The following TENM4 variants were observed in gnomAD, a reference collection of about 807,000 sequenced individuals.
TENM4 encodes the protein teneurin transmembrane protein 4.
Under a neutral mutation model 243.3 loss-of-function variants are expected in TENM4, and 82 were observed. The ratio of observed to expected loss-of-function variants is 0.34; its 90% CI spans 0.28 to 0.40. TENM4 has a LOEUF of 0.40. TENM4 is among the 10% of genes least tolerant of loss of function. The pLI, the probability that TENM4 is intolerant of heterozygous loss-of-function variation, is 1.00. For missense variants in TENM4, 3,138 were observed against 3,673.3 expected (o/e 0.85, Z 3.77); for synonymous variants, 1,412 against 1,456.3 (o/e 0.97, Z 0.69).
intron 1 of TENM4, among the ~76,000 whole-genome samples, chr11:79,358,589 C>T (rs1488213000): frequency 2.6e-5 from 4 of 151,772 alleles, no homozygotes; most frequent in African/African-American, 9.7e-5. Flanking sequence ...TGAGGCTAAG[C>T]GTTCCTTCCC....
chr11:78,734,591 C>A (rs962605255), intron 20 of TENM4, among the ~76,000 whole-genome samples: 1 of 151,946 alleles, frequency 6.6e-6, no homozygotes, highest in African/African-American at 2.4e-5. Flanking sequence ...TCTGTCACAC[C>A]CTGGCTGTAG....
At chr11:78,924,005 C>A (rs1390200782) in intron 6 of TENM4, among the ~76,000 whole-genome samples, 1 of 151,632 alleles carries the variant, frequency 6.6e-6, no homozygotes, top group Non-Finnish European at 1.5e-5. Flanking sequence ...CAGGTGCCTG[C>A]CACCACGCCT....
At chr11:78,986,947 A>G (rs1857933842) in intron 6 of TENM4, among the ~76,000 whole-genome samples, 1 of 152,216 alleles carries the variant, frequency 6.6e-6, no homozygotes, top group Non-Finnish European at 1.5e-5. Flanking sequence ...TCAAATGAAG[A>G]TAATTATATT....
chr11:79,139,109 A>G (rs1490404493), intron 4 of TENM4, among the ~76,000 whole-genome samples: 1 of 47,628 alleles, frequency 2.1e-5, no homozygotes, highest in Non-Finnish European at 3.2e-5. Flanking sequence ...TAAAATATAT[A>G]TTATATTTCT....
At chr11:79,215,942 T>G in intron 2 of TENM4, 33 bp from the exon 3 acceptor site, 1 of 849,670 alleles carries the variant, frequency 1.2e-6, no homozygotes, top group Non-Finnish European at 1.4e-6. Context: ...TCCAACTGAG[T>G]GAGGTGGCAA....
At chr11:79,341,636 GCCT>G (rs1235854721) in intron 1 of TENM4, among the ~76,000 whole-genome samples, 2 of 152,146 alleles carry the variant, frequency 1.3e-5, no homozygotes, top group Non-Finnish European at 2.9e-5. Context: ...TAGATGTTGG[GCCT>G]CCAACAACTG....
chr11:79,431,892 G>A (rs1227875278), intron 1 of TENM4, among the ~76,000 whole-genome samples: 1 of 152,108 alleles, frequency 6.6e-6, no homozygotes, highest in Non-Finnish European at 1.5e-5. Flanking sequence ...TTACATTGGA[G>A]TTCACAATGG....
At chr11:78,769,820 T>C (rs754105904) in intron 18 of TENM4, among the ~76,000 whole-genome samples, 1 of 152,232 alleles carries the variant, frequency 6.6e-6, no homozygotes, top group Non-Finnish European at 1.5e-5. Context: ...CAAAGAACAG[T>C]GCTCCGAAAC....
chr11:78,760,981 T>C (rs1347485332), intron 18 of TENM4, among the ~76,000 whole-genome samples: 1 of 152,244 alleles, frequency 6.6e-6, no homozygotes, highest in South Asian at 2.1e-4. Context: ...CCTGTTTCTT[T>C]CTTGATATTG....
At position 78,676,115 on chromosome 11, in the gene TENM4, C is replaced by T. The variant is rs1421364767; in HGVS notation, c.5496+37G>A. ...CCGTTCTCCCGTTCCCCATTCTTTC[C>T]CCCCAGGACGCAGCCACCTCCAGAG... On this transcript the variant is annotated intron_variant, in intron 30 of 33. Coordinates refer to ENST00000278550, the MANE Select transcript of TENM4 (RefSeq NM_001098816.3). 6 of 1,434,782 alleles carry T rather than the reference C, an allele frequency of 4.2e-6. No homozygotes were observed. The African/African-American group carries it at 5.7e-5, about 14-fold the overall frequency. The allele number at this position is 1,434,782 out of a possible 1,614,324, so 88.9% of individuals were successfully genotyped here. A position where few individuals can be genotyped will look rare whatever the true frequency, so the allele number is the denominator to read the frequency against.
intron 6 of TENM4, among the ~76,000 whole-genome samples, chr11:79,033,367 G>A (rs1266064795): frequency 1.3e-5 from 2 of 152,162 alleles, no homozygotes; most frequent in African/African-American, 4.8e-5. Flanking sequence ...GAAGAATTAA[G>A]TTCTGTTTTC....
intron 1 of TENM4, among the ~76,000 whole-genome samples, chr11:79,439,549 C>G (rs1859351696): frequency 6.6e-6 from 1 of 152,060 alleles, no homozygotes; most frequent in Non-Finnish European, 1.5e-5. Flanking sequence ...AGAGAAGGGG[C>G]GGGCAGCGGG....
intron 16 of TENM4, among the ~76,000 whole-genome samples, chr11:78,786,619 T>C (rs1856940991): frequency 6.6e-6 from 1 of 152,340 alleles, no homozygotes; most frequent in South Asian, 2.1e-4. Context: ...CACAGATCCA[T>C]ACCGCATGTA....
intron 9 of TENM4, among the ~76,000 whole-genome samples, chr11:78,876,977 A>G (rs368756148): frequency 2.0e-5 from 3 of 152,260 alleles, no homozygotes; most frequent in South Asian, 4.1e-4. Context: ...CCCTTTGCAG[A>G]TGTTCTCTTG....
intron 2 of TENM4, among the ~76,000 whole-genome samples, chr11:79,250,487 G>A: frequency 6.6e-6 from 1 of 152,190 alleles, no homozygotes; most frequent in East Asian, 1.9e-4. Context: ...GTCCCAAATG[G>A]GGAAGAAAGC....
At chr11:79,435,635 A>T (rs189123089) in intron 1 of TENM4, among the ~76,000 whole-genome samples, 1 of 152,304 alleles carries the variant, frequency 6.6e-6, no homozygotes, top group East Asian at 1.9e-4. Flanking sequence ...GAACTACAAA[A>T]GGTTTGGGCT....
At chr11:79,281,046 T>G (rs544569672) in intron 2 of TENM4, among the ~76,000 whole-genome samples, 5 of 152,342 alleles carry the variant, frequency 3.3e-5, no homozygotes, top group South Asian at 2.1e-4. Context: ...TGAATTCAAC[T>G]ACAAAAACAC....
intron 1 of TENM4, among the ~76,000 whole-genome samples, chr11:79,367,428 C>T (rs892227898): frequency 8.5e-5 from 13 of 152,154 alleles, no homozygotes; most frequent in African/African-American, 3.1e-4. Context: ...CTCTTCTTTT[C>T]CCTCTCCAGG....
intron 4 of TENM4, among the ~76,000 whole-genome samples, chr11:79,140,506 C>T (rs565111482): frequency 6.6e-6 from 1 of 152,224 alleles, no homozygotes; most frequent in Non-Finnish European, 1.5e-5. Flanking sequence ...GTTTAAGACG[C>T]TTCCAAGTCT....
Sources: gnomAD v4.1 joint callset for allele counts (sites outside exome capture counted in the v4.1 genomes callset) on GRCh38, gnomAD v4.1.1 for gene constraint, MANE v1.5 for transcripts, NCBI Gene and HGNC (gene_info 2026-07-23, HGNC 2026-07-21) for gene names.